The following TMTC2 variants were observed in gnomAD, a reference collection of about 807,000 sequenced individuals.
TMTC2 encodes protein O-mannosyl-transferase TMTC2.
A neutral mutation model predicts 82.4 loss-of-function variants in TMTC2; 43 were observed. The observed-to-expected ratio is 0.52, with a 90% CI of 0.41 to 0.67. TMTC2 has a LOEUF of 0.67. Among genes scored for constraint, TMTC2 ranks in the 30% least tolerant of loss-of-function variants. TMTC2 has a pLI of 0.00. For missense variants in TMTC2, 919 were observed against 1,012.4 expected, an observed-to-expected ratio of 0.91 and a Z score of 1.25; for synonymous variants, 408 against 381.9, an observed-to-expected ratio of 1.07 and a Z score of -0.80.
At position 82,792,427 on chromosome 12, in the gene TMTC2, C is replaced by A. The variant is rs144101117; in HGVS notation, c.84-64583C>A. 7.9e-5 allele frequency among the ~76,000 whole-genome samples: 12 copies of A among 152,070 alleles called. No individual in the cohort carries two copies. In the East Asian group the frequency reaches 1.7e-3, roughly 22 times the overall value. On this transcript the variant is annotated intron_variant, in intron 1 of 11. Coordinates refer to ENST00000321196, the MANE Select transcript of TMTC2 (RefSeq NM_152588.3). ...AGGAGACTCTGTACCCAGTCACTTT[C>A]TATTCCCTCTCCTCTCCTCAATGGT...
intron 8 of TMTC2, among the ~76,000 whole-genome samples, chr12:83,025,352 A>C (rs1881116851): frequency 6.6e-6 from 1 of 150,390 alleles, no homozygotes; most frequent in Non-Finnish European, 1.5e-5. Flanking sequence ...ACATTAGGGG[A>C]AAAAGTATAT....
intron 8 of TMTC2, among the ~76,000 whole-genome samples, chr12:82,993,621 T>C (rs138681498): frequency 6.6e-6 from 1 of 152,308 alleles, no homozygotes; most frequent in East Asian, 1.9e-4. Context: ...ATTATATTAT[T>C]AGTTAAGTTT....
At chr12:83,078,617 C>G (rs890029555) in intron 11 of TMTC2, among the ~76,000 whole-genome samples, 1 of 152,052 alleles carries the variant, frequency 6.6e-6, no homozygotes, top group Non-Finnish European at 1.5e-5. Context: ...TAATAGTGAA[C>G]CTGCATTTTT....
chr12:83,005,524 C>T (rs35455078), intron 8 of TMTC2, among the ~76,000 whole-genome samples: 29,915 of 151,916 alleles, frequency 0.2, 3,131 homozygotes, highest in Non-Finnish European at 0.21. Context: ...CTTGAACCCC[C>T]GCTTCACTCT....
At chr12:83,068,762 C>T (rs1025587204) in intron 11 of TMTC2, among the ~76,000 whole-genome samples, 8 of 151,956 alleles carry the variant, frequency 5.3e-5, no homozygotes, top group Non-Finnish European at 1.0e-4. Context: ...TATTTGGTTA[C>T]ATGAGTACTT....
In TMTC2 at chr12:82,988,174, G is replaced by A. The variant is rs534657667; in HGVS notation, c.2070+2128G>A. ...AGGGAATACTATACAGGAACAATAG[G>A]AATGGGAAGAGAGATTTCAGTGGAT... On this transcript the variant is annotated intron_variant, in intron 8 of 11. Transcript: ENST00000321196. Among the ~76,000 whole-genome samples the A allele has an allele frequency of 5.9e-5, 9 of 152,260 alleles. 1 individual carries two copies. In the South Asian group the frequency reaches 1.9e-3, roughly 32 times the overall value.
intron 1 of TMTC2, among the ~76,000 whole-genome samples, chr12:82,751,366 A>G (rs1875992476): frequency 6.6e-6 from 1 of 151,204 alleles, no homozygotes; most frequent in Non-Finnish European, 1.5e-5. Context: ...GAAGGGGAGC[A>G]TCACACTCTG....
intron 10 of TMTC2, among the ~76,000 whole-genome samples, chr12:83,052,102 G>A (rs1882370700): frequency 6.6e-6 from 1 of 152,052 alleles, no homozygotes; most frequent in East Asian, 1.9e-4. Context: ...TCTGTGCGTG[G>A]CTTCCAGGGA....
At chr12:82,696,871 A>G (rs1872813843) in intron 1 of TMTC2, among the ~76,000 whole-genome samples, 1 of 151,846 alleles carries the variant, frequency 6.6e-6, no homozygotes, top group Non-Finnish European at 1.5e-5. Context: ...TGCAGTTCAA[A>G]TTCAAATTCC....
In TMTC2 at chr12:82,950,025, G is replaced by C. The variant is rs115729296; in HGVS notation, c.1599-14999G>C. On this transcript the variant is annotated intron_variant, in intron 4 of 11. Coordinates refer to ENST00000321196, the MANE Select transcript of TMTC2 (RefSeq NM_152588.3). The stretch of plus-strand genomic sequence containing the variant: ...AGAAAAGAAGAGAAATTTGTTGACT[G>C]AGATAATTAAGAAGCAGTGTGTATA... Among the ~76,000 whole-genome samples the C allele has an allele frequency of 9.3e-3, 1,412 of 152,288 alleles. 23 individuals are homozygous for C. Among genetic ancestry groups the C allele is most frequent in the African/African-American group, 0.032 (1,338 of 41,550 alleles).
chr12:82,914,817 A>ATTTTTTTTTTTTT (rs71068958), intron 3 of TMTC2, among the ~76,000 whole-genome samples: 2 of 86,408 alleles, frequency 2.3e-5, no homozygotes, highest in Admixed American at 1.5e-4. Context: ...CAACTCACTT[A>ATTTTTTTTTTTTT]TTTTTTTTTT....
chr12:82,896,264 C>T lies in TMTC2; in HGVS notation c.1101C>T (p.Ser367=), dbSNP rs759728744. 2 of 1,614,080 alleles carry T rather than the reference C, an allele frequency of 1.2e-6. No individual in the cohort carries two copies. The highest frequency in any genetic ancestry group is 1.7e-6 in the Non-Finnish European group (2 of 1,180,026). The stretch of plus-strand genomic sequence containing the variant: ...AGTACCAGAACTCAGAGACTAAGTC[C>T]AGCTTTGCATCCAAAGTAGAAAATG... ...DVEYQNSETK[S]SFASKVENGI... is the part of the protein sequence containing the mutation. Residue 367 remains serine, a synonymous_variant, in exon 3 of 12, where the codon TCC becomes TCT. Coordinates refer to ENST00000321196, the MANE Select transcript of TMTC2 (RefSeq NM_152588.3).
At chr12:82,808,793 T>C (rs1484026488) in intron 1 of TMTC2, among the ~76,000 whole-genome samples, 1 of 152,072 alleles carries the variant, frequency 6.6e-6, no homozygotes, top group Admixed American at 6.5e-5. Context: ...TATTTTGTAA[T>C]AGATACATAA....
At chr12:82,877,913 A>T (rs1381040007) in intron 2 of TMTC2, among the ~76,000 whole-genome samples, 1 of 152,240 alleles carries the variant, frequency 6.6e-6, no homozygotes, top group African/African-American at 2.4e-5. Context: ...ATGGAGAGCT[A>T]CAATATCACC....
At chr12:82,814,693 T>TA (rs1188675288) in intron 1 of TMTC2, among the ~76,000 whole-genome samples, 1 of 152,098 alleles carries the variant, frequency 6.6e-6, no homozygotes, top group Non-Finnish European at 1.5e-5. Flanking sequence ...TGTTTGACTT[T>TA]AAAACCAAAT....
chr12:83,054,909 G>A (rs1028645559), intron 10 of TMTC2, among the ~76,000 whole-genome samples: 17 of 151,934 alleles, frequency 1.1e-4, no homozygotes, highest in Non-Finnish European at 2.4e-4. Flanking sequence ...TTTTAGTTGT[G>A]TACTAAAGAA....
chr12:82,866,976 A>G (rs1871899202), intron 2 of TMTC2, among the ~76,000 whole-genome samples: 2 of 152,202 alleles, frequency 1.3e-5, no homozygotes, highest in African/African-American at 4.8e-5. Context: ...TTTATTTTAA[A>G]CAATCAGATT....
intron 10 of TMTC2, among the ~76,000 whole-genome samples, chr12:83,056,332 TC>T (rs1882541203): frequency 6.6e-6 from 1 of 151,854 alleles, no homozygotes; most frequent in African/African-American, 2.4e-5. Flanking sequence ...CTATCACTGT[TC>T]CCCAAAGGTA....
Position 82,754,524 on chromosome 12 carries a change from C to T in TMTC2, c.83+66855C>T, listed in dbSNP as rs377273293. Among the ~76,000 whole-genome samples the T allele has an allele frequency of 1.1e-4, 17 of 152,168 alleles. 2 individuals are homozygous for T. The highest frequency in any genetic ancestry group is 4.1e-4 in the African/African-American group (17 of 41,532). ...CCGAGGCGGGTGGATCACTTGAGGTCAGGAGTTCGAGACCAGCCTGCCCAA... is the reference window on the plus strand; with the variant it reads ...CCGAGGCGGGTGGATCACTTGAGGTTAGGAGTTCGAGACCAGCCTGCCCAA... On this transcript the variant is annotated intron_variant, in intron 1 of 11. Transcript: ENST00000321196.
Sources: allele counts gnomAD v4.1 joint callset (sites outside exome capture counted in the v4.1 genomes callset), GRCh38; gene constraint gnomAD v4.1.1; transcripts MANE v1.5; gene names NCBI Gene and HGNC (gene_info 2026-07-23, HGNC 2026-07-21).